TACR3: variants seen among roughly 807,000 people sequenced by gnomAD.
TACR3 encodes tachykinin receptor 3.
Under a neutral mutation model 35.0 loss-of-function variants are expected in TACR3, and 34 were observed. The observed-to-expected ratio is 0.97, with a 90% CI of 0.74 to 1.30. The LOEUF is 1.30. Ranked by LOEUF, TACR3 falls within the 50% of genes most tolerant of loss-of-function variation. The pLI is 0.00. For missense variants in TACR3, 558 were observed against 591.7 expected (o/e 0.94, Z 0.59); for synonymous variants, 233 against 221.1 (o/e 1.05, Z -0.48).
chr4:103,707,295 C>T (rs530796536), intron 1 of TACR3, among the ~76,000 whole-genome samples: 8 of 150,218 alleles, frequency 5.3e-5, no homozygotes, highest in South Asian at 2.2e-4. Context: ...TATCAAGAGA[C>T]TCAGAGACAT....
intron 3 of TACR3, among the ~76,000 whole-genome samples, chr4:103,615,493 T>C (rs1450043965): frequency 6.6e-6 from 1 of 151,562 alleles, no homozygotes; most frequent in African/African-American, 2.4e-5. Flanking sequence ...ACTTAAAAAA[T>C]AGCAAGCCTA....
At chr4:103,706,128 C>T (rs1386423615) in intron 1 of TACR3, among the ~76,000 whole-genome samples, 4 of 152,064 alleles carry the variant, frequency 2.6e-5, no homozygotes, top group Non-Finnish European at 5.9e-5. Flanking sequence ...GTTATTTGAA[C>T]AACTGGATGA....
intron 1 of TACR3, among the ~76,000 whole-genome samples, chr4:103,702,295 A>C (rs1722670564): frequency 1.3e-5 from 2 of 152,358 alleles, no homozygotes; most frequent in South Asian, 4.1e-4. Context: ...AAGACACATG[A>C]AAAAATGCTC....
chr4:103,599,535 T>C (rs1447345271), intron 3 of TACR3, among the ~76,000 whole-genome samples: 1 of 152,212 alleles, frequency 6.6e-6, no homozygotes, highest in Non-Finnish European at 1.5e-5. Context: ...CTTGTGCCAG[T>C]TTTCAAAAGG....
intron 3 of TACR3, among the ~76,000 whole-genome samples, chr4:103,633,351 A>G (rs1725109269): frequency 6.6e-6 from 1 of 152,134 alleles, no homozygotes; most frequent in South Asian, 2.1e-4. Context: ...GGCTAAATGA[A>G]TAAAGTAACA....
chr4:103,676,386 G>A lies in TACR3; in HGVS notation c.549-17983C>T, dbSNP rs180944934. ...CTACATAACACAATATATTCAAAGA[G>A]CTAGATAATGTCAGATGCAGTAGAC... On this transcript the variant is annotated intron_variant, in intron 1 of 4. Transcript: ENST00000304883. Among the ~76,000 whole-genome samples, 8 of 152,198 alleles carry A rather than the reference G, an allele frequency of 5.3e-5. 1 individual carries two copies. In the East Asian group the frequency reaches 1.5e-3, roughly 29 times the overall value.
chr4:103,641,594 A>C (rs1352168020), intron 3 of TACR3, among the ~76,000 whole-genome samples: 2 of 152,004 alleles, frequency 1.3e-5, no homozygotes, highest in African/African-American at 4.8e-5. Flanking sequence ...AAATTAAACA[A>C]GTATTATCTG....
chr4:103,617,424 TTTG>T (rs1724684426), intron 3 of TACR3, among the ~76,000 whole-genome samples: 2 of 152,304 alleles, frequency 1.3e-5, no homozygotes, highest in Non-Finnish European at 2.9e-5. Context: ...CTTGATTCAT[TTTG>T]TTACTATCTC....
At chr4:103,667,858 G>A (rs773788340) in intron 1 of TACR3, among the ~76,000 whole-genome samples, 1 of 151,284 alleles carries the variant, frequency 6.6e-6, no homozygotes, top group East Asian at 1.9e-4. Context: ...TCTGAGATGG[G>A]GTCTCTGTCA....
chr4:103,717,135 G>T (rs189629728), intron 1 of TACR3, among the ~76,000 whole-genome samples: 6 of 152,166 alleles, frequency 3.9e-5, no homozygotes, highest in African/African-American at 1.2e-4. Flanking sequence ...TAAACTATTG[G>T]ACTGGTAATC....
chr4:103,616,302 A>ATG (rs3839189), intron 3 of TACR3, among the ~76,000 whole-genome samples: 48,809 of 151,152 alleles, frequency 0.32, 9,084 homozygotes, highest in African/African-American at 0.52. Context: ...ACATACGTGT[A>ATG]TGTGTGTGTG....
intron 2 of TACR3, 135 bp from the exon 3 acceptor site, chr4:103,656,479 A>C: frequency 1.2e-6 from 1 of 823,042 alleles, no homozygotes; most frequent in South Asian, 1.6e-5. Flanking sequence ...TTCATCTCAA[A>C]ATTCCATCAA....
intron 3 of TACR3, among the ~76,000 whole-genome samples, chr4:103,652,963 T>C (rs937619893): frequency 2.0e-4 from 31 of 152,066 alleles, no homozygotes; most frequent in African/African-American, 7.2e-4. Flanking sequence ...AGAAAAAAAT[T>C]AAGAGAAGGG....
intron 3 of TACR3, among the ~76,000 whole-genome samples, chr4:103,620,504 C>T (rs1724751463): frequency 6.6e-6 from 1 of 152,130 alleles, no homozygotes; most frequent in Non-Finnish European, 1.5e-5. Context: ...ACCCTGGTAC[C>T]CATTAATGAT....
chr4:103,663,639 T>C (rs1725879683), intron 1 of TACR3, among the ~76,000 whole-genome samples: 1 of 152,176 alleles, frequency 6.6e-6, no homozygotes, highest in Non-Finnish European at 1.5e-5. Flanking sequence ...TTGAGGAAAG[T>C]AAAGAAATAC....
At chr4:103,678,771 C>A (rs1299379369) in intron 1 of TACR3, among the ~76,000 whole-genome samples, 1 of 144,768 alleles carries the variant, frequency 6.9e-6, no homozygotes, top group Non-Finnish European at 1.5e-5. Context: ...ATGAGATACA[C>A]TTAGAAAATA....
At chr4:103,661,128 G>T (rs891558497) in intron 1 of TACR3, among the ~76,000 whole-genome samples, 2 of 151,808 alleles carry the variant, frequency 1.3e-5, no homozygotes, top group Non-Finnish European at 2.9e-5. Flanking sequence ...TTTTAGGAGA[G>T]AAATATATAT....
At chr4:103,710,668 A>T (rs1414978229) in intron 1 of TACR3, among the ~76,000 whole-genome samples, 1 of 152,322 alleles carries the variant, frequency 6.6e-6, no homozygotes, top group East Asian at 1.9e-4. Context: ...AGATAGAGAC[A>T]CAAAAAACCC....
At position 103,587,221 on chromosome 4, in the gene TACR3, A is replaced by T. The variant is rs892330124; in HGVS notation, c.*2461T>A. ...TGTAATTCTTATTGTCAAAATGCAG[A>T]CAAAAGAGTGAAAAATCTTCTCTTT... On this transcript the variant is annotated 3_prime_UTR_variant, in exon 5 of 5. Transcript: ENST00000304883. 1.3e-5 allele frequency: 2 copies of T among 151,564 alleles called. No individual in the cohort carries two copies. Among genetic ancestry groups the T allele is most frequent in the Non-Finnish European group, 2.9e-5 (2 of 67,992 alleles). The allele number at this position is 151,564 out of a possible 1,614,324, so 9.4% of individuals were successfully genotyped here.
Sources: allele counts gnomAD v4.1 joint callset (sites outside exome capture counted in the v4.1 genomes callset), GRCh38; gene constraint gnomAD v4.1.1; transcripts MANE v1.5; gene names NCBI Gene and HGNC (gene_info 2026-07-23, HGNC 2026-07-21).